The following ALDH18A1 variants were observed in gnomAD, a reference collection of about 807,000 sequenced individuals.
The protein encoded by ALDH18A1 is aldehyde dehydrogenase 18 family member A1.
A neutral mutation model predicts 88.8 loss-of-function variants in ALDH18A1; 44 were observed. The ratio of observed to expected loss-of-function variants is 0.50; its 90% CI spans 0.39 to 0.64. ALDH18A1 has a LOEUF of 0.64. Among genes scored for constraint, ALDH18A1 ranks in the 30% least tolerant of loss-of-function variants. The probability of loss-of-function intolerance (pLI) is 0.00; values close to 1 mark genes in which losing one functional copy is unlikely to be tolerated. For missense variants in ALDH18A1, 782 were observed against 1,009.5 expected (o/e 0.77, Z 3.05); for synonymous variants, 331 against 372.1 (o/e 0.89, Z 1.27).
intron 13 of ALDH18A1, among the ~76,000 whole-genome samples, chr10:95,614,469 C>A (rs2097841142): frequency 6.6e-6 from 1 of 152,170 alleles, no homozygotes; most frequent in Non-Finnish European, 1.5e-5. Flanking sequence ...AGCCATAATA[C>A]AGGGCAGACA....
intron 12 of ALDH18A1, among the ~76,000 whole-genome samples, chr10:95,618,386 T>C (rs1344810517): frequency 2.0e-5 from 3 of 152,208 alleles, no homozygotes; most frequent in African/African-American, 7.2e-5. Context: ...AGTGGCACGA[T>C]CTCGACTCAC....
At chr10:95,613,686 T>C in intron 15 of ALDH18A1, 56 bp downstream of exon 15, 1 of 1,607,116 alleles carries the variant, frequency 6.2e-7, no homozygotes, top group Non-Finnish European at 8.5e-7. Flanking sequence ...GTGCCTGGTC[T>C]AATTCCACAG....
Position 95,614,175 on chromosome 10 carries a change from GAAGAA to G in ALDH18A1, c.1606-19_1606-15del, listed in dbSNP as rs755362148. 27 of 1,613,144 alleles carry G rather than the reference GAAGAA, an allele frequency of 1.7e-5. No individual in the cohort carries two copies. The Admixed American group carries it at 4.5e-4, about 27-fold the overall frequency. On this transcript the variant is annotated splice_polypyrimidine_tract_variant and intron_variant, in intron 13 of 17. Coordinates refer to ENST00000371224, the MANE Select transcript of ALDH18A1 (RefSeq NM_002860.4). The stretch of plus-strand genomic sequence containing the variant: ...TCTGGTATTCACCTTTAGAAGGAAA[GAAGAA>G]AAAGATAAAGATGACATCTGACCAC...
intron 2 of ALDH18A1, among the ~76,000 whole-genome samples, chr10:95,644,803 A>G (rs1319084790): frequency 2.0e-5 from 3 of 152,204 alleles, no homozygotes; most frequent in African/African-American, 7.2e-5. Context: ...CTTCATCCCC[A>G]CTGCTTCTTG....
At chr10:95,614,309 T>G (rs895044338) in intron 13 of ALDH18A1, 148 bp from the exon 14 acceptor site, 44 of 879,544 alleles carry the variant, frequency 5.0e-5, no homozygotes, top group Non-Finnish European at 7.1e-5. Flanking sequence ...AAAATTAAGT[T>G]CCCGATCATG....
At chr10:95,623,863 C>T (rs904749287) in intron 11 of ALDH18A1, among the ~76,000 whole-genome samples, 3 of 152,076 alleles carry the variant, frequency 2.0e-5, no homozygotes, top group Non-Finnish European at 4.4e-5. Context: ...CTGCGCCTAG[C>T]TGTAATTTTT....
chr10:95,619,130 C>T (rs778530503), intron 12 of ALDH18A1, among the ~76,000 whole-genome samples: 1 of 152,158 alleles, frequency 6.6e-6, no homozygotes, highest in Non-Finnish European at 1.5e-5. Context: ...AAATCACAAG[C>T]ATTCCTATAC....
At position 95,632,944 on chromosome 10, in the gene ALDH18A1, A is replaced by G; in HGVS notation, c.808+15T>C. ...AAACAAAGGGCAGATAAAGGAAAAA[A>G]GCATTACTTTGTACCTTCTACATCT... is the stretch of plus-strand genomic sequence containing the variant. On this transcript the variant is annotated intron_variant, in intron 7 of 17. Coordinates refer to ENST00000371224, the MANE Select transcript of ALDH18A1 (RefSeq NM_002860.4). 6.2e-7 allele frequency: 1 copy of G among 1,609,768 alleles called. No individual in the cohort carries two copies.
At chr10:95,629,398 T>C (rs575945009) in intron 7 of ALDH18A1, among the ~76,000 whole-genome samples, 1 of 152,340 alleles carries the variant, frequency 6.6e-6, no homozygotes, top group South Asian at 2.1e-4. Context: ...TCTTGCTACA[T>C]ACTACCTCTC....
chr10:95,643,110 G>A lies in ALDH18A1; in HGVS notation c.185C>T (p.Ala62Val), dbSNP rs750491965. The change falls in exon 3 of 18, where the codon GCC becomes GTC. Residue 62 changes from alanine (A) to valine (V), a missense_variant. Physicochemically the swap from Ala to Val is moderately conservative, Grantham distance 64. Around this residue, in one of 3 missense-constraint regions of ALDH18A1, gnomAD observed 94 missense variants for 99.5 expected, o/e 0.94. Transcript: ENST00000371224. ...GGCATGCTTCAGCTCACTGCGGTGG[G>A]CGAAGGACTTGCCATGTGTACGACT... The part of the protein sequence containing the change: ...PLSRTHGKSF[A>V]HRSELKHAKR... 1 of 1,614,220 alleles carries A rather than the reference G, an allele frequency of 6.2e-7. No individual in the cohort carries two copies.
At chr10:95,625,579 G>A (rs1470198105) in intron 10 of ALDH18A1, 124 bp from the exon 11 acceptor site, 7 of 771,804 alleles carry the variant, frequency 9.1e-6, no homozygotes, top group Non-Finnish European at 1.6e-5. Flanking sequence ...GTCATCACCA[G>A]TTGAAATCTC....
Position 95,643,164 on chromosome 10 carries a change from C to T in ALDH18A1, c.131G>A (p.Ser44Asn). 6.2e-7 allele frequency: 1 copy of T among 1,614,206 alleles called. No homozygotes were observed. Among genetic ancestry groups the T allele is most frequent in the Non-Finnish European group, 8.5e-7 (1 of 1,180,040 alleles). The change falls in exon 3 of 18, where the codon AGC becomes AAC. Residue 44 changes from serine to asparagine, a missense_variant. Physicochemically the swap from Ser to Asn is conservative, Grantham distance 46 (BLOSUM62 1). This residue lies in a region of ALDH18A1 where 94 missense variants were observed against 99.5 expected (regional missense o/e 0.94). Coordinates refer to ENST00000371224, the MANE Select transcript of ALDH18A1 (RefSeq NM_002860.4). ...GGGTACAGTGATAAACGGGATGTTG[C>T]TCCAAGAACGAACATGTCTGATGAC... ...PSVIRHVRSW[S>N]NIPFITVPLS...
At chr10:95,649,931 C>T (rs1040454847) in intron 2 of ALDH18A1, among the ~76,000 whole-genome samples, 2 of 151,166 alleles carry the variant, frequency 1.3e-5, no homozygotes, top group African/African-American at 4.9e-5. Flanking sequence ...TGTGGTGGTG[C>T]AACCCATAGT....
At chr10:95,631,244 G>A (rs1235701246) in intron 7 of ALDH18A1, among the ~76,000 whole-genome samples, 1 of 152,010 alleles carries the variant, frequency 6.6e-6, no homozygotes, top group Non-Finnish European at 1.5e-5. Context: ...GAAGAACAGA[G>A]TAACATATAA....
intron 9 of ALDH18A1, among the ~76,000 whole-genome samples, 177 bp from the exon 10 acceptor site, chr10:95,626,953 A>G (rs544190808): frequency 6.6e-6 from 1 of 152,214 alleles, no homozygotes; most frequent in Admixed American, 6.5e-5. Context: ...AAATAGCAAA[A>G]GAATGTGCCA....
chr10:95,606,170 T>A lies in ALDH18A1; in HGVS notation c.*592A>T. ...GCATCACGGGGAACACAGCATCTCCTGGATGCAGGAAGCTGCAAGCATCTG... is the reference window on the plus strand; with the variant it reads ...GCATCACGGGGAACACAGCATCTCCAGGATGCAGGAAGCTGCAAGCATCTG... On this transcript the variant is annotated 3_prime_UTR_variant, in exon 18 of 18. Transcript: ENST00000371224. 3.5e-6 allele frequency: 3 copies of A among 868,976 alleles called. No individual in the cohort carries two copies. The highest frequency in any genetic ancestry group is 4.2e-6 in the Non-Finnish European group (3 of 722,456). 53.8% of individuals were successfully genotyped at this position (868,976 alleles called of 1,614,324 possible).
At chr10:95,629,212 G>A (rs1323288979) in intron 7 of ALDH18A1, among the ~76,000 whole-genome samples, 2 of 152,162 alleles carry the variant, frequency 1.3e-5, no homozygotes, top group Non-Finnish European at 2.9e-5. Flanking sequence ...AGAAAAAGTG[G>A]GGGTAAGAAA....
chr10:95,643,240 GA>G (rs1224821643), intron 2 of ALDH18A1, 34 bp from the exon 3 acceptor site: 1 of 1,600,240 alleles, frequency 6.2e-7, no homozygotes, highest in East Asian at 2.2e-5. Context: ...AAGAAAAAAA[GA>G]AATACTCAAT....
At position 95,606,367 on chromosome 10, in the gene ALDH18A1, A is replaced by G. The variant is rs772128262; in HGVS notation, c.*395T>C. 255 of 1,021,238 alleles carry G rather than the reference A, an allele frequency of 2.5e-4. No individual in the cohort carries two copies. The highest frequency in any genetic ancestry group is 3.0e-4 in the Non-Finnish European group (252 of 851,438). 63.3% of individuals were successfully genotyped at this position (1,021,238 alleles called of 1,614,324 possible). On this transcript the variant is annotated 3_prime_UTR_variant, in exon 18 of 18. Transcript: ENST00000371224. Reference sequence around the variant, plus strand: ...AGATGACTACATGTGAAAGAAATAAAATGTGAAAAGATTTGTTAAGGATGA... The same window carrying G: ...AGATGACTACATGTGAAAGAAATAAGATGTGAAAAGATTTGTTAAGGATGA...
Sources: gnomAD v4.1 joint callset for allele counts (sites outside exome capture counted in the v4.1 genomes callset) on GRCh38, gnomAD v4.1.1 for gene constraint, gnomAD v4.1.1 regional missense constraint, MANE v1.5 for transcripts, NCBI Gene and HGNC (gene_info 2026-07-23, HGNC 2026-07-21) for gene names.